NTRK3: variants seen among roughly 807,000 people sequenced by gnomAD.
The protein encoded by NTRK3 is neurotrophic receptor tyrosine kinase 3.
Under a neutral mutation model 91.7 loss-of-function variants are expected in NTRK3, and 24 were observed. The observed-to-expected ratio is 0.26, with a 90% CI of 0.19 to 0.37. NTRK3 has a LOEUF of 0.37. Ranked by LOEUF, NTRK3 falls within the 10% of genes least tolerant of loss-of-function variation. The pLI is 1.00. For missense variants in NTRK3, 880 were observed against 1,068.9 expected (o/e 0.82, Z 2.46); for synonymous variants, 483 against 404.0 (o/e 1.20, Z -2.34).
At chr15:87,886,052 G>C (rs2065519653) in intron 17 of NTRK3, among the ~76,000 whole-genome samples, 1 of 151,964 alleles carries the variant, frequency 6.6e-6, no homozygotes, top group African/African-American at 2.4e-5. Context: ...GGTAAGAACA[G>C]ATGATCCACA....
chr15:88,181,377 G>A (rs1012999221), intron 5 of NTRK3, among the ~76,000 whole-genome samples: 4 of 152,116 alleles, frequency 2.6e-5, no homozygotes, highest in African/African-American at 7.2e-5. Context: ...CCCTCTTCCA[G>A]GATCCTCAAG....
intron 5 of NTRK3, among the ~76,000 whole-genome samples, chr15:88,181,705 G>A (rs1216752359): frequency 1.3e-5 from 2 of 152,126 alleles, no homozygotes; most frequent in African/African-American, 2.4e-5. Context: ...GTTTTTAGTC[G>A]GCAGCATTTA....
chr15:88,171,652 G>A (rs926169117), intron 5 of NTRK3, among the ~76,000 whole-genome samples: 1 of 152,184 alleles, frequency 6.6e-6, no homozygotes, highest in African/African-American at 2.4e-5. Flanking sequence ...CCAAAGCCCT[G>A]CAGGGTAGGA....
chr15:88,099,166 G>A (rs1031303440), intron 13 of NTRK3: 1 of 230,906 alleles, frequency 4.3e-6, no homozygotes. Flanking sequence ...GAGGCTCCAG[G>A]GAGGTGACCG....
chr15:88,067,191 C>G (rs2046722753), intron 13 of NTRK3, among the ~76,000 whole-genome samples: 1 of 152,180 alleles, frequency 6.6e-6, no homozygotes, highest in Non-Finnish European at 1.5e-5. Flanking sequence ...CAGTCCCATT[C>G]AGCACAGCCC....
chr15:88,142,331 G>A (rs1165705689), intron 6 of NTRK3, among the ~76,000 whole-genome samples: 1 of 152,252 alleles, frequency 6.6e-6, no homozygotes, highest in African/African-American at 2.4e-5. Flanking sequence ...CTGCTGCAAG[G>A]CAAAGCTTAC....
At chr15:88,039,967 A>G (rs1567274963) in intron 13 of NTRK3, among the ~76,000 whole-genome samples, 2 of 152,244 alleles carry the variant, frequency 1.3e-5, no homozygotes, top group Non-Finnish European at 2.9e-5. Context: ...AGGTAACAAC[A>G]CCTTCAAATA....
intron 10 of NTRK3, among the ~76,000 whole-genome samples, chr15:88,130,238 C>G (rs1456061215): frequency 2.0e-5 from 3 of 152,092 alleles, no homozygotes; most frequent in African/African-American, 7.2e-5. Flanking sequence ...CATATTGATA[C>G]AAATAAACAA....
At chr15:88,070,258 C>A (rs1567333396) in intron 13 of NTRK3, among the ~76,000 whole-genome samples, 1 of 152,106 alleles carries the variant, frequency 6.6e-6, no homozygotes, top group Non-Finnish European at 1.5e-5. Context: ...CAGCCTTGGG[C>A]AGTTTCCTTA....
At position 88,101,107 on chromosome 15, in the gene NTRK3, A is replaced by T. The variant is rs1393864447; in HGVS notation, c.1396+25164T>A. On this transcript the variant is annotated intron_variant, in intron 13 of 18. Coordinates refer to ENST00000394480, the Ensembl canonical transcript of NTRK3. ...TTACAGAATGGGAGAAAATTTTTGC[A>T]ATCTACTCATCTGACAAAGGGCTAA... Among the ~76,000 whole-genome samples the T allele has an allele frequency of 2.0e-5, 3 of 152,364 alleles. No individual in the cohort carries two copies. In the East Asian group the frequency reaches 5.8e-4, roughly 29 times the overall value.
chr15:88,191,163 C>CGTGTGTGTGTGTGTGTGTGT (rs60048541), intron 3 of NTRK3, among the ~76,000 whole-genome samples: 40 of 137,966 alleles, frequency 2.9e-4, no homozygotes, highest in African/African-American at 9.9e-4. Flanking sequence ...TGATGTTTCC[C>CGTGTGTGTGTGTGTGTGTGT]GTGTGTGTGT....
rs2074219509 is a variant in NTRK3 at position 87,981,091 on chromosome 15, C to A, written c.1586-40338G>T. 5.1e-6 allele frequency: 7 copies of A among 1,375,706 alleles called. No individual in the cohort carries two copies. In the African/African-American group the frequency reaches 1.0e-4, roughly 20 times the overall value. The allele number at this position is 1,375,706 out of a possible 1,614,324, so 85.2% of individuals were successfully genotyped here. On this transcript the variant is annotated intron_variant, in intron 14 of 18. Coordinates refer to ENST00000394480, the Ensembl canonical transcript of NTRK3. ...TTAAGGGATTTTTTTAGTACCAAAT[C>A]CCGTGCTGGGCACCTAGTCGTACCT... is the stretch of plus-strand genomic sequence containing the variant.
At chr15:88,034,756 A>G (rs1394325163) in intron 13 of NTRK3, among the ~76,000 whole-genome samples, 1 of 152,246 alleles carries the variant, frequency 6.6e-6, no homozygotes, top group Non-Finnish European at 1.5e-5. Context: ...ATCAGCACAG[A>G]CAGGCTTATT....
intron 3 of NTRK3, among the ~76,000 whole-genome samples, chr15:88,196,149 T>C (rs373443713): frequency 6.6e-6 from 1 of 152,208 alleles, no homozygotes; most frequent in African/African-American, 2.4e-5. Flanking sequence ...TCAGAGTTAA[T>C]GCAGAAAAGT....
At chr15:88,249,877 T>A (rs2053186640) in intron 3 of NTRK3, among the ~76,000 whole-genome samples, 1 of 152,150 alleles carries the variant, frequency 6.6e-6, no homozygotes, top group Admixed American at 6.5e-5. Flanking sequence ...GAGTCCAGCC[T>A]CTATCTGGGC....
chr15:88,165,670 T>C (rs2044864929), intron 5 of NTRK3, among the ~76,000 whole-genome samples: 1 of 152,174 alleles, frequency 6.6e-6, no homozygotes, highest in Non-Finnish European at 1.5e-5. Flanking sequence ...CCAACAACAT[T>C]TTATGGTCTG....
At position 88,170,278 on chromosome 15, in the gene NTRK3, T is replaced by C. The variant is rs75714634; in HGVS notation, c.395+13140A>G. Among the ~76,000 whole-genome samples the C allele has an allele frequency of 3.1e-3, 466 of 152,306 alleles. 3 individuals carry two copies. The highest frequency in any genetic ancestry group is 5.6e-3 in the Admixed American group (86 of 15,304). ...TTTCAGGCAATGAGGTTGACATAAT[T>C]TGCATCAGCAACATTTTTCACAAGA... is the stretch of plus-strand genomic sequence containing the variant. On this transcript the variant is annotated intron_variant, in intron 5 of 18. Coordinates refer to ENST00000394480, the Ensembl canonical transcript of NTRK3.
chr15:88,124,483 G>A (rs375493469), intron 13 of NTRK3, among the ~76,000 whole-genome samples: 1 of 152,230 alleles, frequency 6.6e-6, no homozygotes. Flanking sequence ...GTCTCAGCTG[G>A]TGGTGCGCCT....
At chr15:87,931,008 A>G (rs926543022) in intron 16 of NTRK3, 4 of 317,432 alleles carry the variant, frequency 1.3e-5, no homozygotes, top group African/African-American at 6.6e-5. Flanking sequence ...AAGGCAAGGC[A>G]CTGGCACTGC....
Sources: gnomAD v4.1 joint callset for allele counts (sites outside exome capture counted in the v4.1 genomes callset) on GRCh38, gnomAD v4.1.1 for gene constraint, MANE v1.5 for transcripts, NCBI Gene and HGNC (gene_info 2026-07-23, HGNC 2026-07-21) for gene names.